ALDH1A3: variants seen among roughly 807,000 people sequenced by gnomAD.
The protein encoded by ALDH1A3 is retinaldehyde dehydrogenase 3.
In ALDH1A3, 28 loss-of-function variants were observed where a neutral mutation model predicts 57.5. The observed-to-expected ratio is 0.49, with a 90% confidence interval of 0.36 to 0.67. ALDH1A3 has a LOEUF of 0.67. ALDH1A3 is among the 30% of genes least tolerant of loss of function. ALDH1A3 has a pLI of 0.00. For missense variants in ALDH1A3, 507 were observed against 669.4 expected (o/e 0.76, Z 2.68); for synonymous variants, 281 against 264.8 (o/e 1.06, Z -0.59).
chr15:100,893,654 C>CATG lies in ALDH1A3; in HGVS notation c.538-299_538-298insTGA. On this transcript the variant is annotated intron_variant, in intron 5 of 12. Transcript: ENST00000329841. The surrounding 1 kb of genome is among the most constrained non-coding windows in gnomAD (Gnocchi z 4.8). ...CAGGTGGCAACATGAAGTGAGGGTT[C>CATG]AAAAAGTGCCCATGGAGGCAGGGAG... The CATG allele has an allele frequency of 3.7e-6, 1 of 272,538 alleles. No homozygotes were observed. The highest frequency in any genetic ancestry group is 6.9e-6 in the Non-Finnish European group (1 of 144,696). 16.9% of individuals were successfully genotyped at this position (272,538 alleles called of 1,614,324 possible).
rs754745721 is a variant in ALDH1A3 at position 100,899,206 on chromosome 15, C to T, written c.883+1021C>T. ...GTGAAGATGGACTTTCCATTTCTTGCCTGGGTCAGTGTTCCCTTGTGGAAG... is the reference window on the plus strand; with the variant it reads ...GTGAAGATGGACTTTCCATTTCTTGTCTGGGTCAGTGTTCCCTTGTGGAAG... On this transcript the variant is annotated intron_variant, in intron 8 of 12. Coordinates refer to ENST00000329841, the MANE Select transcript of ALDH1A3 (RefSeq NM_000693.4). 3.7e-4 allele frequency among the ~76,000 whole-genome samples: 57 copies of T among 152,188 alleles called. 1 individual carries two copies. Among genetic ancestry groups the T allele is most frequent in the Non-Finnish European group, 4.0e-4 (27 of 68,034 alleles).
intron 9 of ALDH1A3, among the ~76,000 whole-genome samples, chr15:100,904,214 G>A (rs1023506772): frequency 4.0e-5 from 6 of 151,864 alleles, no homozygotes; most frequent in African/African-American, 1.4e-4. Context: ...CTGGTATAAG[G>A]TGTGAGGTAT....
chr15:100,898,058 T>C (rs756843650), intron 7 of ALDH1A3, 25 bp from the exon 8 acceptor site: 4 of 1,604,634 alleles, frequency 2.5e-6, no homozygotes, highest in Admixed American at 3.3e-5. Context: ...CCAAGGTAAA[T>C]TGTGATCTGT....
chr15:100,893,982 G>C lies in ALDH1A3; in HGVS notation c.566G>C (p.Trp189Ser). ...PWNFPLLMLV[W>S]KLAPALCCGN... ...AACTTCCCCCTGCTGATGCTGGTGT[G>C]GAAGCTGGCACCCGCCCTCTGCTGT... is the stretch of plus-strand genomic sequence containing the variant. Residue 189 changes from tryptophan to serine, a missense_variant, in exon 6 of 13, where the codon TGG (tryptophan) becomes TCG (serine). Trp to Ser is a radical substitution (Grantham distance 177, BLOSUM62 -3). Around this residue, in one of 2 missense-constraint regions of ALDH1A3, gnomAD observed 432 missense variants for 608.4 expected, o/e 0.71. Transcript: ENST00000329841. This position sits in a 1 kb window ranked among gnomAD's most constrained non-coding sequence, Gnocchi z 4.8. 1 of 1,614,194 alleles carries C rather than the reference G, an allele frequency of 6.2e-7. No homozygotes were observed. Among genetic ancestry groups the C allele is most frequent in the Non-Finnish European group, 8.5e-7 (1 of 1,180,032 alleles).
At position 100,907,064 on chromosome 15, in the gene ALDH1A3, C is replaced by A; in HGVS notation, c.1234-57C>A. The A allele has an allele frequency of 1.9e-6, 3 of 1,563,032 alleles. No homozygotes were observed. The East Asian group carries it at 6.8e-5, about 35-fold the overall frequency. On this transcript the variant is annotated intron_variant, in intron 10 of 12. Transcript: ENST00000329841. ...GTAAAGAGAAGGAAATGCTTGTTCA[C>A]AGCATGCATTTCCATTCAGTCATGC...
At chr15:100,890,428 G>A (rs892998263) in intron 3 of ALDH1A3, among the ~76,000 whole-genome samples, 7 of 152,102 alleles carry the variant, frequency 4.6e-5, no homozygotes, top group African/African-American at 7.2e-5. Flanking sequence ...ATAATTTCCC[G>A]TCTAAACCTA....
chr15:100,901,154 C>A lies in ALDH1A3; in HGVS notation c.1068+395C>A, dbSNP rs557113295. On this transcript the variant is annotated intron_variant, in intron 9 of 12. Coordinates refer to ENST00000329841, the MANE Select transcript of ALDH1A3 (RefSeq NM_000693.4). ...CACGTGGGTTACAGGACAAGGTGAA[C>A]CATCAGAAATCAAACAATCCCAGAC... Among the ~76,000 whole-genome samples, 92 of 152,248 alleles carry A rather than the reference C, an allele frequency of 6.0e-4. 2 individuals are homozygous for A. The South Asian group carries it at 0.019, about 31-fold the overall frequency.
chr15:100,892,164 A>C (rs116043064), intron 3 of ALDH1A3: 1 of 272,852 alleles, frequency 3.7e-6, no homozygotes, highest in Non-Finnish European at 6.9e-6. Context: ...AGCAGAGGCC[A>C]CTGTGCTACA....
rs2041633471 is a variant in ALDH1A3 at position 100,889,970 on chromosome 15, C to T, written c.345+2258C>T. Among the ~76,000 whole-genome samples the T allele has an allele frequency of 6.6e-6, 1 of 152,226 alleles. No individual in the cohort carries two copies. The highest frequency in any genetic ancestry group is 1.9e-4 in the East Asian group (1 of 5,194). On this transcript the variant is annotated intron_variant, in intron 3 of 12. Coordinates refer to ENST00000329841, the MANE Select transcript of ALDH1A3 (RefSeq NM_000693.4). The surrounding 1 kb of genome is among the most constrained non-coding windows in gnomAD (Gnocchi z 5.1). ...CATGTTCATGGAGCGTGTTCTCTTG[C>T]CGGCTCAGTGGTTTGACAGAGCTGG...
chr15:100,897,414 C>T (rs573405624), intron 7 of ALDH1A3, among the ~76,000 whole-genome samples: 1 of 152,244 alleles, frequency 6.6e-6, no homozygotes, highest in African/African-American at 2.4e-5. Flanking sequence ...TGGGCCAGCC[C>T]TCCCCTCCAG....
chr15:100,897,510 C>T (rs2041717337), intron 7 of ALDH1A3, among the ~76,000 whole-genome samples: 1 of 151,336 alleles, frequency 6.6e-6, no homozygotes, highest in Non-Finnish European at 1.5e-5. Flanking sequence ...CACCCCTTCA[C>T]TCCCTGCCTG....
At chr15:100,903,418 T>C (rs1408902651) in intron 9 of ALDH1A3, among the ~76,000 whole-genome samples, 6 of 152,374 alleles carry the variant, frequency 3.9e-5, no homozygotes, top group Admixed American at 2.6e-4. Flanking sequence ...TATGGAATTC[T>C]GCTGGATGAA....
chr15:100,885,348 T>A lies in ALDH1A3; in HGVS notation c.181T>A (p.Cys61Ser). The change falls in exon 2 of 13, where the codon TGT becomes AGT. Residue 61 changes from cysteine (C) to serine (S), a missense_variant. Coordinates refer to ENST00000329841, the MANE Select transcript of ALDH1A3 (RefSeq NM_000693.4). ...TCNPSTREQI[C>S]EVEEGDKPDV... ...TAACCCTTCAACTCGGGAGCAAATA[T>A]GTGAAGTGGAAGAAGGAGATAAGGT... The A allele has an allele frequency of 1.9e-6, 3 of 1,612,700 alleles. No homozygotes were observed. The highest frequency in any genetic ancestry group is 2.5e-6 in the Non-Finnish European group (3 of 1,178,712).
intron 7 of ALDH1A3, among the ~76,000 whole-genome samples, chr15:100,896,719 A>G (rs975229495): frequency 6.6e-6 from 1 of 152,232 alleles, no homozygotes; most frequent in Admixed American, 6.5e-5. Flanking sequence ...AAAACTACTT[A>G]GAGAAATTTT....
In ALDH1A3 at chr15:100,887,735, C is replaced by T. The variant is rs537930655; in HGVS notation, c.345+23C>T. On this transcript the variant is annotated intron_variant, in intron 3 of 12. Coordinates refer to ENST00000329841, the MANE Select transcript of ALDH1A3 (RefSeq NM_000693.4). The surrounding 1 kb of genome is among the most constrained non-coding windows in gnomAD (Gnocchi z 4.6). ...GCCGTGAGTACATGCACTTGGGGGC[C>T]GGTGGGGGATGAGCCAGCCTCACTG... 1.2e-5 allele frequency: 19 copies of T among 1,556,178 alleles called. No individual in the cohort carries two copies. Among genetic ancestry groups the T allele is most frequent in the Admixed American group, 1.1e-4 (6 of 54,494 alleles).
chr15:100,912,885 G>A (rs1221530106), intron 12 of ALDH1A3, among the ~76,000 whole-genome samples: 2 of 29,400 alleles, frequency 6.8e-5, no homozygotes, highest in Admixed American at 5.6e-4. Flanking sequence ...TCGGCCGGGC[G>A]CGGTGGCTCA....
intron 3 of ALDH1A3, 185 bp from the exon 4 acceptor site, chr15:100,892,325 C>T (rs1264246309): frequency 1.4e-6 from 1 of 737,554 alleles, no homozygotes; most frequent in African/African-American, 1.8e-5. Flanking sequence ...AAGCAATCCT[C>T]ACACTCAGAG....
Position 100,893,109 on chromosome 15 carries a change from G to A in ALDH1A3, c.537+103G>A. 3.7e-6 allele frequency: 4 copies of A among 1,069,794 alleles called. No homozygotes were observed. Among genetic ancestry groups the A allele is most frequent in the Non-Finnish European group, 5.4e-6 (4 of 738,042 alleles). 66.3% of individuals were successfully genotyped at this position (1,069,794 alleles called of 1,614,324 possible). A position where few individuals can be genotyped will look rare whatever the true frequency, so the allele number is the denominator to read the frequency against. Reference sequence around the variant, plus strand: ...GGTGTGTTTTTATCTGATTGCACCAGCGTTGAACAAGCATTTTCTTCGTGG... The same window carrying A: ...GGTGTGTTTTTATCTGATTGCACCAACGTTGAACAAGCATTTTCTTCGTGG... On this transcript the variant is annotated intron_variant, in intron 5 of 12. Transcript: ENST00000329841. The surrounding 1 kb of genome is among the most constrained non-coding windows in gnomAD (Gnocchi z 4.8).
At position 100,895,846 on chromosome 15, in the gene ALDH1A3, AGGCAGCCAC is replaced by A. The variant is rs2041696987; in HGVS notation, c.667-83_667-75del. The A allele has an allele frequency of 7.6e-6, 9 of 1,184,994 alleles. No individual in the cohort carries two copies. In the East Asian group the frequency reaches 1.5e-4, roughly 20 times the overall value. The allele number at this position is 1,184,994 out of a possible 1,614,324, so 73.4% of individuals were successfully genotyped here. A position where few individuals can be genotyped will look rare whatever the true frequency, so the allele number is the denominator to read the frequency against. On this transcript the variant is annotated intron_variant, in intron 6 of 12. Transcript: ENST00000329841. ...GGCCCGGGTTCCCTGTGGGGATGTG[AGGCAGCCAC>A]GGCTCTCTCGGCCCAAATGTGGATC...
Sources: gnomAD v4.1 joint callset for allele counts (sites outside exome capture counted in the v4.1 genomes callset) on GRCh38, gnomAD v4.1.1 for gene constraint, gnomAD v4.1.1 regional missense constraint, Gnocchi (gnomAD v3.1) non-coding constraint, MANE v1.5 for transcripts, NCBI Gene and HGNC (gene_info 2026-07-23, HGNC 2026-07-21) for gene names.